Variants in HORMAD2 observed in about 807,000 individuals in gnomAD.
HORMAD2 encodes HORMA domain-containing protein 2.
A neutral mutation model predicts 38.8 loss-of-function variants in HORMAD2; 45 were observed. That is an observed-to-expected ratio of 1.16 (90% CI 0.91 to 1.49). The LOEUF is 1.49. Ranked by LOEUF, HORMAD2 falls within the 40% of genes most tolerant of loss-of-function variation. The pLI is 0.00. For missense variants in HORMAD2, 338 were observed against 367.0 expected, an observed-to-expected ratio of 0.92 and a Z score of 0.65; for synonymous variants, 126 against 122.8, an observed-to-expected ratio of 1.03 and a Z score of -0.17.
chr22:30,190,198 T>G, the HORMAD2 span, among the ~76,000 whole-genome samples: 1 of 152,200 alleles, frequency 6.6e-6, no homozygotes, highest in Non-Finnish European at 1.5e-5. Flanking sequence ...ACATATCACC[T>G]GAATTCCTTC....
the HORMAD2 span, among the ~76,000 whole-genome samples, chr22:30,182,133 C>A: frequency 6.6e-6 from 1 of 152,186 alleles, no homozygotes; most frequent in Non-Finnish European, 1.5e-5. Context: ...GGTCACCCTA[C>A]TTACTAGCTG....
chr22:30,160,278 C>T (rs554722083), intron 10 of HORMAD2, among the ~76,000 whole-genome samples: 1 of 151,760 alleles, frequency 6.6e-6, no homozygotes, highest in East Asian at 1.9e-4. Flanking sequence ...GGTTTTCTTT[C>T]ATTTTCTTTA....
chr22:30,079,306 C>A (rs546771362), upstream of HORMAD2, among the ~76,000 whole-genome samples: 43 of 152,264 alleles, frequency 2.8e-4, no homozygotes, highest in African/African-American at 8.4e-4. Flanking sequence ...CCCCCAACTG[C>A]TCCCACAGTT....
intron 10 of HORMAD2, among the ~76,000 whole-genome samples, chr22:30,168,894 T>A (rs564831460): frequency 6.6e-6 from 1 of 152,220 alleles, no homozygotes; most frequent in Non-Finnish European, 1.5e-5. Flanking sequence ...TTGGAACCCT[T>A]CAGGGCTCTC....
chr22:30,143,668 A>G lies in HORMAD2; in HGVS notation c.819+21454A>G, dbSNP rs571904854. Among the ~76,000 whole-genome samples the G allele has an allele frequency of 3.5e-4, 53 of 152,216 alleles. 1 individual carries two copies. Among genetic ancestry groups the G allele is most frequent in the Admixed American group, 1.2e-3 (18 of 15,280 alleles). ...CTATTTGTGGATCTTTTTCTTACTC[A>G]GAAGTGCAGCCTTAGGTATGCCCCA... On this transcript the variant is annotated intron_variant, in intron 10 of 10. Transcript: ENST00000336726.
chr22:30,137,339 T>A, intron 10 of HORMAD2: 1 of 508,194 alleles, frequency 2.0e-6, no homozygotes, highest in Non-Finnish European at 3.8e-6. Context: ...CCCATAGTTA[T>A]TATACTGAAC....
chr22:30,088,062 T>A (rs1295223987), intron 1 of HORMAD2, among the ~76,000 whole-genome samples: 2 of 150,848 alleles, frequency 1.3e-5, no homozygotes, highest in African/African-American at 4.9e-5. Context: ...CACGTATACA[T>A]ATACACACAC....
Position 30,176,196 on chromosome 22 carries a change from T to A in HORMAD2, c.*29T>A. The A allele has an allele frequency of 7.4e-7, 1 of 1,360,104 alleles. No homozygotes were observed. The highest frequency in any genetic ancestry group is 1.0e-6 in the Non-Finnish European group (1 of 958,520). 84.3% of individuals were successfully genotyped at this position (1,360,104 alleles called of 1,614,324 possible). On this transcript the variant is annotated 3_prime_UTR_variant, in exon 11 of 11. Transcript: ENST00000336726. Reference sequence around the variant, plus strand: ...CTAAATATTCCTTCTACATTTATTTTAAAATAAGTTTATTTTGTAAAAACA... The same window carrying A: ...CTAAATATTCCTTCTACATTTATTTAAAAATAAGTTTATTTTGTAAAAACA...
chr22:30,147,978 T>A (rs1282886068), intron 10 of HORMAD2, among the ~76,000 whole-genome samples: 1 of 152,170 alleles, frequency 6.6e-6, no homozygotes, highest in African/African-American at 2.4e-5. Context: ...TGCAGAAATT[T>A]TCACTCCTAG....
rs1272701587 is a variant in HORMAD2 at position 30,169,819 on chromosome 22, C to G, written c.820-6244C>G. 3.9e-5 allele frequency among the ~76,000 whole-genome samples: 6 copies of G among 152,294 alleles called. No individual in the cohort carries two copies. The East Asian group carries it at 1.2e-3, about 29-fold the overall frequency. The stretch of plus-strand genomic sequence containing the variant: ...TTCCAATCTTGGTCAATGGCATTAC[C>G]ACAAACTTGGATAATTTTTGTCATG... On this transcript the variant is annotated intron_variant, in intron 10 of 10. Transcript: ENST00000336726.
In HORMAD2 at chr22:30,176,122, G is replaced by C. The variant is rs1284757303; in HGVS notation, c.879G>C (p.Arg293Ser). ...GTTCTGAGTGCTCCAGGAAGAAGAG[G>C]AAGGTCAGTGAACCAGTGAAGGTCT... is the stretch of plus-strand genomic sequence containing the variant. ...QQSSECSRKK[R>S]KVSEPVKVFI... The change falls in exon 11 of 11, where the codon AGG becomes AGC. Residue 293 changes from arginine (R) to serine (S), a missense_variant. Arg to Ser is a moderately radical substitution (Grantham distance 110). Coordinates refer to ENST00000336726, the MANE Select transcript of HORMAD2 (RefSeq NM_152510.4). 6.2e-7 allele frequency: 1 copy of C among 1,612,966 alleles called. No homozygotes were observed.
At chr22:30,138,709 T>C (rs1012271711) in intron 10 of HORMAD2, among the ~76,000 whole-genome samples, 6 of 152,210 alleles carry the variant, frequency 3.9e-5, no homozygotes, top group Non-Finnish European at 8.8e-5. Flanking sequence ...CTGTTCATAA[T>C]AGTATGTGAA....
intron 5 of HORMAD2, among the ~76,000 whole-genome samples, chr22:30,107,872 A>AT (rs560871522): frequency 0.091 from 13,138 of 144,068 alleles, 1,008 homozygotes; most frequent in South Asian, 0.25. Context: ...ATTTTGTGTG[A>AT]TTTTTTTTTT....
chr22:30,106,650 A>G (rs1341804474), intron 5 of HORMAD2, among the ~76,000 whole-genome samples: 1 of 152,156 alleles, frequency 6.6e-6, no homozygotes, highest in African/African-American at 2.4e-5. Flanking sequence ...GGGGCAGTAC[A>G]ATATAGTTAG....
At chr22:30,121,056 T>A (rs1211209087) in intron 8 of HORMAD2, among the ~76,000 whole-genome samples, 1 of 152,178 alleles carries the variant, frequency 6.6e-6, no homozygotes, top group African/African-American at 2.4e-5. Flanking sequence ...AGTAATATTA[T>A]TTCAGCGGTG....
At chr22:30,180,313 G>A (rs1926645483), downstream of HORMAD2, among the ~76,000 whole-genome samples, 1 of 152,114 alleles carries the variant, frequency 6.6e-6, no homozygotes, top group South Asian at 2.1e-4. Flanking sequence ...GGGCACTAGT[G>A]GAGCATTCCT....
At chr22:30,082,920 T>G (rs1156788874) in intron 1 of HORMAD2, among the ~76,000 whole-genome samples, 1 of 151,770 alleles carries the variant, frequency 6.6e-6, no homozygotes, top group Non-Finnish European at 1.5e-5. Flanking sequence ...AGCATAGAAA[T>G]ATTGCCTCTT....
At chr22:30,138,935 C>T (rs1402551779) in intron 10 of HORMAD2, among the ~76,000 whole-genome samples, 3 of 152,012 alleles carry the variant, frequency 2.0e-5, no homozygotes, top group Non-Finnish European at 4.4e-5. Context: ...TTAAGTTAAG[C>T]AGGTTGCTTT....
chr22:30,119,833 T>C (rs1018194154), intron 8 of HORMAD2, among the ~76,000 whole-genome samples: 1 of 152,186 alleles, frequency 6.6e-6, no homozygotes, highest in Non-Finnish European at 1.5e-5. Context: ...GGCTCATCAT[T>C]TGCCATGAGC....
Sources: allele counts gnomAD v4.1 joint callset (sites outside exome capture counted in the v4.1 genomes callset), GRCh38; gene constraint gnomAD v4.1.1; transcripts MANE v1.5; gene names NCBI Gene and HGNC (gene_info 2026-07-23, HGNC 2026-07-21).